PAPPA: variants seen among roughly 807,000 people sequenced by gnomAD.
PAPPA encodes pappalysin-1.
PAPPA carries 60 observed loss-of-function variants against 164.0 expected under a neutral mutation model. The observed-to-expected ratio is 0.37, with a 90% confidence interval of 0.30 to 0.45. PAPPA has a LOEUF of 0.45. Ranked by LOEUF, PAPPA falls within the 20% of genes least tolerant of loss-of-function variation. The pLI is 1.00. For synonymous variants in PAPPA, 875 were observed against 814.1 expected (o/e 1.07, Z -1.27); for missense variants, 1,782 against 2,087.3 (o/e 0.85, Z 2.85).
intron 1 of PAPPA, among the ~76,000 whole-genome samples, chr9:116,184,288 G>A (rs543259590): frequency 6.6e-6 from 1 of 152,298 alleles, no homozygotes; most frequent in African/African-American, 2.4e-5. Context: ...AGTCAGTGGG[G>A]AGGCAGCTTT....
chr9:116,194,048 A>G lies in PAPPA; in HGVS notation c.1478+5832A>G, dbSNP rs549603662. On this transcript the variant is annotated intron_variant, in intron 2 of 21. Coordinates refer to ENST00000328252, the MANE Select transcript of PAPPA (RefSeq NM_002581.5). ...AATAAATTGAAGTGGGAAGATGTTG[A>G]GGAGATGCAAGAAAGATGTGAGTCT... Among the ~76,000 whole-genome samples the G allele has an allele frequency of 4.9e-4, 74 of 152,324 alleles. 1 individual carries two copies. The highest frequency in any genetic ancestry group is 1.7e-3 in the African/African-American group (72 of 41,584).
chr9:116,288,144 G>A (rs1845364065), intron 9 of PAPPA, among the ~76,000 whole-genome samples: 1 of 152,164 alleles, frequency 6.6e-6, no homozygotes, highest in Admixed American at 6.5e-5. Context: ...GCTGAAATGG[G>A]CGGATCACGA....
chr9:116,217,054 A>G (rs769292842), intron 4 of PAPPA, among the ~76,000 whole-genome samples: 2 of 152,156 alleles, frequency 1.3e-5, no homozygotes, highest in Non-Finnish European at 2.9e-5. Flanking sequence ...CTTCAGCTTT[A>G]AAGTTCAAAT....
intron 17 of PAPPA, among the ~76,000 whole-genome samples, chr9:116,358,248 G>T (rs957366352): frequency 6.6e-6 from 1 of 152,160 alleles, no homozygotes; most frequent in Non-Finnish European, 1.5e-5. Context: ...AGCAGAGCCA[G>T]TTCTTAAACT....
chr9:116,235,187 G>C lies in PAPPA; in HGVS notation c.2282G>C (p.Ser761Thr). 1 of 1,614,130 alleles carries C rather than the reference G, an allele frequency of 6.2e-7. No individual in the cohort carries two copies. Among genetic ancestry groups the C allele is most frequent in the Non-Finnish European group, 8.5e-7 (1 of 1,179,992 alleles). Residue 761 changes from serine (S) to threonine (T), a missense_variant, in exon 7 of 22, where the codon AGC (serine) becomes ACC (threonine). Transcript: ENST00000328252. Reference protein sequence around the residue: ...QPCKSSVRTWSPNSAVNPHTV... With the variant: ...QPCKSSVRTWTPNSAVNPHTV... ...TGTAAGTCCAGTGTCCGCACCTGGA[G>C]CCCAAATTCAGCTGTCAACCCACAC...
At chr9:116,336,962 C>T (rs189129187) in intron 13 of PAPPA, among the ~76,000 whole-genome samples, 2 of 152,138 alleles carry the variant, frequency 1.3e-5, no homozygotes, top group Non-Finnish European at 2.9e-5. Flanking sequence ...TATTATTGCA[C>T]CTCTTGAATA....
chr9:116,302,508 C>T (rs1046187403), intron 9 of PAPPA, among the ~76,000 whole-genome samples: 8 of 152,074 alleles, frequency 5.3e-5, no homozygotes, highest in Non-Finnish European at 1.5e-5. Context: ...GATTATTTCC[C>T]TTAACATGGT....
chr9:116,348,708 G>A (rs547232124), intron 15 of PAPPA, among the ~76,000 whole-genome samples: 1 of 152,132 alleles, frequency 6.6e-6, no homozygotes, highest in East Asian at 1.9e-4. Flanking sequence ...ATGTGTCCAT[G>A]TGTTCTCATT....
intron 20 of PAPPA, 61 bp downstream of exon 20, chr9:116,377,708 A>T: frequency 1.6e-6 from 2 of 1,236,114 alleles, no homozygotes; most frequent in Non-Finnish European, 2.4e-6. Context: ...TGTTATTGTT[A>T]TTGTTATATT....
intron 10 of PAPPA, among the ~76,000 whole-genome samples, chr9:116,306,573 A>G (rs550087028): frequency 6.6e-6 from 1 of 152,306 alleles, no homozygotes; most frequent in South Asian, 2.1e-4. Context: ...TTGGCCATGC[A>G]CCTTCCTGGC....
chr9:116,187,633 C>T lies in PAPPA; in HGVS notation c.895C>T (p.Pro299Ser), dbSNP rs1843989972. 1 of 1,614,232 alleles carries T rather than the reference C, an allele frequency of 6.2e-7. No individual in the cohort carries two copies. Among genetic ancestry groups the T allele is most frequent in the Non-Finnish European group, 8.5e-7 (1 of 1,180,042 alleles). Residue 299 changes from proline to serine, a missense_variant, in exon 2 of 22, where the codon CCC becomes TCC. Coordinates refer to ENST00000328252, the MANE Select transcript of PAPPA (RefSeq NM_002581.5). The surrounding 1 kb of genome is among the most constrained non-coding windows in gnomAD (Gnocchi z 4.2). The stretch of plus-strand genomic sequence containing the variant: ...GGACAATGTGAAGCATGCCTGGTCC[C>T]CCATGAAGGATGGCAGCAGCCCCAA... ...NWDNVKHAWS[P>S]MKDGSSPKVE...
chr9:116,383,815 T>C (rs573843153), intron 21 of PAPPA, among the ~76,000 whole-genome samples: 3 of 152,194 alleles, frequency 2.0e-5, no homozygotes, highest in Non-Finnish European at 4.4e-5. Flanking sequence ...TTTTGATTGA[T>C]AGGACACTGA....
chr9:116,338,495 C>T (rs1179589828), intron 13 of PAPPA, among the ~76,000 whole-genome samples: 1 of 152,114 alleles, frequency 6.6e-6, no homozygotes, highest in Non-Finnish European at 1.5e-5. Context: ...CTGATGAGAC[C>T]CCATGTGTAG....
At chr9:116,202,624 T>C (rs1844184420) in intron 2 of PAPPA, among the ~76,000 whole-genome samples, 1 of 152,104 alleles carries the variant, frequency 6.6e-6, no homozygotes, top group South Asian at 2.1e-4. Flanking sequence ...AGGGGAAAGT[T>C]TCTAAATCAG....
At chr9:116,188,687 A>G (rs971007308) in intron 2 of PAPPA, among the ~76,000 whole-genome samples, 3 of 152,220 alleles carry the variant, frequency 2.0e-5, no homozygotes, top group Admixed American at 6.5e-5. Flanking sequence ...AGTAGCTACC[A>G]TACTGGCAAA....
intron 11 of PAPPA, among the ~76,000 whole-genome samples, chr9:116,331,729 C>T (rs1232384817): frequency 6.6e-6 from 1 of 152,164 alleles, no homozygotes; most frequent in Non-Finnish European, 1.5e-5. Context: ...TGGTACTTGT[C>T]ACATGGTATT....
At chr9:116,218,231 G>A (rs1199228685) in intron 4 of PAPPA, among the ~76,000 whole-genome samples, 2 of 152,138 alleles carry the variant, frequency 1.3e-5, no homozygotes, top group African/African-American at 4.8e-5. Context: ...GGGATTTAAG[G>A]CAGCTTCTGC....
At position 116,374,170 on chromosome 9, in the gene PAPPA, TTGA is replaced by T. The variant is rs201692119; in HGVS notation, c.4606-3394_4606-3392del. The stretch of plus-strand genomic sequence containing the variant: ...GATGGTGGTAGTGTTGGTGGTGGTG[TTGA>T]TGATGATGATGGTGGTGATGATGAT... On this transcript the variant is annotated intron_variant, in intron 19 of 21. Transcript: ENST00000328252. Among the ~76,000 whole-genome samples the T allele has an allele frequency of 5.4e-3, 752 of 139,668 alleles. 9 individuals carry two copies. Among genetic ancestry groups the T allele is most frequent in the African/African-American group, 0.019 (711 of 38,290 alleles). 91.6% of individuals were successfully genotyped at this position (139,668 alleles called of 152,430 possible).
chr9:116,173,585 T>G (rs1465849980), intron 1 of PAPPA, among the ~76,000 whole-genome samples: 1 of 152,222 alleles, frequency 6.6e-6, no homozygotes, highest in Non-Finnish European at 1.5e-5. Flanking sequence ...ACAGCCATTG[T>G]ACTTCATTTC....
Sources: allele counts gnomAD v4.1 joint callset (sites outside exome capture counted in the v4.1 genomes callset), GRCh38; gene constraint gnomAD v4.1.1; non-coding constraint Gnocchi (gnomAD v3.1); transcripts MANE v1.5; gene names NCBI Gene and HGNC (gene_info 2026-07-23, HGNC 2026-07-21).